The following SLC9A9 variants were observed in gnomAD, a reference collection of about 807,000 sequenced individuals.
SLC9A9 encodes the protein solute carrier family 9 member A9.
A neutral mutation model predicts 77.8 loss-of-function variants in SLC9A9; 62 were observed. That is an observed-to-expected ratio of 0.80 (90% CI 0.65 to 0.98). SLC9A9 has a LOEUF of 0.98. Ranked by LOEUF, SLC9A9 falls within the 50% of genes least tolerant of loss-of-function variation. The probability of loss-of-function intolerance (pLI) is 0.00; values close to 1 mark genes in which losing one functional copy is unlikely to be tolerated. For synonymous variants in SLC9A9, 320 were observed against 283.5 expected, an observed-to-expected ratio of 1.13 and a Z score of -1.29; for missense variants, 775 against 774.9, an observed-to-expected ratio of 1.00 and a Z score of 0.00.
At chr3:143,394,497 T>C (rs1438106278) in intron 12 of SLC9A9, among the ~76,000 whole-genome samples, 2 of 152,196 alleles carry the variant, frequency 1.3e-5, no homozygotes, top group African/African-American at 2.4e-5. Flanking sequence ...GTCAGTATCA[T>C]ACTGAATGGG....
At chr3:143,390,379 A>C (rs565983678) in intron 12 of SLC9A9, among the ~76,000 whole-genome samples, 1 of 152,210 alleles carries the variant, frequency 6.6e-6, no homozygotes, top group Non-Finnish European at 1.5e-5. Context: ...ATGGGCAGGA[A>C]ACTGTACCTC....
intron 5 of SLC9A9, among the ~76,000 whole-genome samples, chr3:143,652,860 A>T (rs2038822864): frequency 6.6e-6 from 1 of 150,872 alleles, no homozygotes; most frequent in African/African-American, 2.5e-5. Context: ...GAACCTTTCA[A>T]CTGTCCCCCT....
intron 11 of SLC9A9, among the ~76,000 whole-genome samples, chr3:143,482,166 AG>A (rs1189736891): frequency 3.9e-4 from 60 of 152,308 alleles, no homozygotes; most frequent in Admixed American, 3.9e-3. Context: ...CACAACTGAG[AG>A]GGGAAAAAAT....
chr3:143,777,572 T>C (rs966478167), intron 4 of SLC9A9, among the ~76,000 whole-genome samples: 1 of 152,184 alleles, frequency 6.6e-6, no homozygotes, highest in African/African-American at 2.4e-5. Context: ...TTCTAACTAT[T>C]CTTTTTTCTA....
At chr3:143,826,330 T>C (rs1162016719) in intron 2 of SLC9A9, among the ~76,000 whole-genome samples, 2 of 152,140 alleles carry the variant, frequency 1.3e-5, no homozygotes, top group Non-Finnish European at 2.9e-5. Flanking sequence ...CTTCTAACTT[T>C]TAACTTCCAC....
chr3:143,755,316 C>T lies in SLC9A9; in HGVS notation c.533+39685G>A, dbSNP rs147811314. 3.3e-3 allele frequency among the ~76,000 whole-genome samples: 509 copies of T among 152,272 alleles called. 2 individuals are homozygous for T. Among genetic ancestry groups the T allele is most frequent in the Middle Eastern group, 0.017 (5 of 294 alleles). The stretch of plus-strand genomic sequence containing the variant: ...GAACATATTTGGATCTACACTGGTA[C>T]ACACATCTATAAGACCTGGTGATCC... On this transcript the variant is annotated intron_variant, in intron 4 of 15. Transcript: ENST00000316549.
At chr3:143,463,142 G>C (rs1202280461) in intron 12 of SLC9A9, among the ~76,000 whole-genome samples, 5 of 152,194 alleles carry the variant, frequency 3.3e-5, no homozygotes, top group Non-Finnish European at 7.3e-5. Flanking sequence ...TTATCTTGTT[G>C]AGGGCACTTT....
At chr3:143,686,738 C>T (rs2108777460) in intron 5 of SLC9A9, among the ~76,000 whole-genome samples, 1 of 152,226 alleles carries the variant, frequency 6.6e-6, no homozygotes, top group African/African-American at 2.4e-5. Flanking sequence ...CCCAAGACAG[C>T]AATGAAAAAG....
intron 12 of SLC9A9, among the ~76,000 whole-genome samples, chr3:143,444,337 T>C (rs1307828743): frequency 6.6e-6 from 1 of 152,198 alleles, no homozygotes. Context: ...GAGATGTTAA[T>C]GAAGTTGCCA....
chr3:143,462,543 T>G (rs183312973), intron 12 of SLC9A9, among the ~76,000 whole-genome samples: 1 of 152,228 alleles, frequency 6.6e-6, no homozygotes, highest in Admixed American at 6.5e-5. Context: ...GGTAACAAAT[T>G]CCTATAAGTA....
intron 9 of SLC9A9, among the ~76,000 whole-genome samples, chr3:143,546,113 T>C (rs1174589522): frequency 6.6e-6 from 1 of 152,236 alleles, no homozygotes; most frequent in Non-Finnish European, 1.5e-5. Context: ...TTTTCTAGAC[T>C]TTCAGCCAAG....
At chr3:143,559,303 GCCC>G (rs947152843) in intron 8 of SLC9A9, among the ~76,000 whole-genome samples, 41 of 152,184 alleles carry the variant, frequency 2.7e-4, no homozygotes, top group African/African-American at 9.9e-4. Context: ...ATGAGGCATA[GCCC>G]AGACTTGGAT....
chr3:143,632,292 A>T (rs752436656), intron 6 of SLC9A9, among the ~76,000 whole-genome samples: 14 of 152,264 alleles, frequency 9.2e-5, no homozygotes, highest in Non-Finnish European at 1.6e-4. Context: ...GCAGGCACAA[A>T]AGAGTAAAGG....
At chr3:143,619,453 A>G (rs958924652) in intron 6 of SLC9A9, among the ~76,000 whole-genome samples, 2 of 152,262 alleles carry the variant, frequency 1.3e-5, no homozygotes, top group Non-Finnish European at 2.9e-5. Context: ...GCAAAAATTT[A>G]CATTGTATAC....
intron 4 of SLC9A9, among the ~76,000 whole-genome samples, chr3:143,747,851 G>A (rs966606534): frequency 1.3e-5 from 2 of 152,160 alleles, no homozygotes; most frequent in African/African-American, 4.8e-5. Context: ...ATACAATCAT[G>A]CTGTATACAT....
intron 14 of SLC9A9, among the ~76,000 whole-genome samples, chr3:143,355,099 A>G (rs1038033769): frequency 3.3e-4 from 50 of 152,238 alleles, no homozygotes; most frequent in African/African-American, 1.2e-3. Flanking sequence ...ACAAAAGAAC[A>G]GCTTAACACC....
chr3:143,587,544 G>A (rs958197354), intron 6 of SLC9A9, among the ~76,000 whole-genome samples: 2 of 152,218 alleles, frequency 1.3e-5, no homozygotes. Flanking sequence ...GGAAATGGTG[G>A]GGAGGACAGT....
intron 9 of SLC9A9, among the ~76,000 whole-genome samples, chr3:143,533,348 A>C (rs1248909458): frequency 1.3e-5 from 2 of 152,166 alleles, no homozygotes; most frequent in African/African-American, 4.8e-5. Flanking sequence ...TAATTCCCAG[A>C]TGCTGAGGTT....
chr3:143,586,243 C>T (rs1318454116), intron 6 of SLC9A9, among the ~76,000 whole-genome samples: 1 of 152,196 alleles, frequency 6.6e-6, no homozygotes, highest in Non-Finnish European at 1.5e-5. Context: ...ACTTGCTGCT[C>T]TTTTTAGTAT....
Sources: allele counts gnomAD v4.1 joint callset (sites outside exome capture counted in the v4.1 genomes callset), GRCh38; gene constraint gnomAD v4.1.1; transcripts MANE v1.5; gene names NCBI Gene and HGNC (gene_info 2026-07-23, HGNC 2026-07-21).